MED1: variants seen among roughly 807,000 people sequenced by gnomAD.
MED1 encodes the protein mediator complex subunit 1, also known as mediator of RNA polymerase II transcription subunit 1.
In MED1, 17 loss-of-function variants were observed where a neutral mutation model predicts 121.3. That is an observed-to-expected ratio of 0.14 (90% CI 0.10 to 0.21). The LOEUF (loss-of-function observed/expected upper bound fraction) is 0.21. MED1 is among the 10% of genes least tolerant of loss of function. The probability of loss-of-function intolerance (pLI) is 1.00; values close to 1 mark genes in which losing one functional copy is unlikely to be tolerated. For synonymous variants in MED1, 661 were observed against 694.4 expected (o/e 0.95, Z 0.76); for missense variants, 1,558 against 1,919.4 (o/e 0.81, Z 3.52).
In MED1 at chr17:39,414,432, A is replaced by G. The variant is rs181231235; in HGVS notation, c.1499+594T>C. 2.3e-3 allele frequency among the ~76,000 whole-genome samples: 335 copies of G among 146,598 alleles called. 2 individuals carry two copies. The highest frequency in any genetic ancestry group is 4.5e-4 in the Non-Finnish European group (30 of 66,752). ...CTCACTGCAAGCTCCACCTCCCGGG[A>G]TCATGCCATTCTCCTGCCTCAGCCT... On this transcript the variant is annotated intron_variant, in intron 16 of 16. Coordinates refer to ENST00000300651, the MANE Select transcript of MED1 (RefSeq NM_004774.4).
chr17:39,421,120 T>C (rs2048459905), intron 13 of MED1, among the ~76,000 whole-genome samples: 1 of 151,358 alleles, frequency 6.6e-6, no homozygotes, highest in Non-Finnish European at 1.5e-5. Context: ...TTTGTATTTT[T>C]TTTTTGTAGA....
chr17:39,422,183 G>C (rs1344942279), intron 13 of MED1, among the ~76,000 whole-genome samples: 1 of 146,292 alleles, frequency 6.8e-6, no homozygotes, highest in East Asian at 2.0e-4. Context: ...TTATTTTTTT[G>C]AGACGGAGTC....
In MED1 at chr17:39,447,873, G is replaced by A. The variant is rs761646637; in HGVS notation, c.57C>T (p.Leu19=). ...ESEKLSKMSS[L]LERLHAKFNQ... ...TAAATTTTGCATGGAGCCGTTCCAG[G>A]AGAGAACTCATCTTACTCAGCTTTT... Residue 19 remains leucine (L), a synonymous_variant, in exon 2 of 17, where the codon CTC becomes CTT. Transcript: ENST00000300651. The A allele has an allele frequency of 2.0e-5, 32 of 1,613,066 alleles. No individual in the cohort carries two copies. The South Asian group carries it at 3.4e-4, about 17-fold the overall frequency.
At chr17:39,431,277 TTG>T (rs1352506983) in intron 8 of MED1, 89 bp from the exon 9 acceptor site, 4 of 1,051,534 alleles carry the variant, frequency 3.8e-6, no homozygotes, top group Non-Finnish European at 5.5e-6. Context: ...CTCCGAAGTC[TTG>T]TCTTTTTTTT....
intron 14 of MED1, 77 bp from the exon 15 acceptor site, chr17:39,415,416 G>C: frequency 7.8e-7 from 1 of 1,286,778 alleles, no homozygotes; most frequent in Non-Finnish European, 1.1e-6. Context: ...GCTCACGCCT[G>C]TAATCCCAGC....
intron 12 of MED1, 61 bp downstream of exon 12, chr17:39,423,636 G>T: frequency 6.2e-7 from 1 of 1,607,124 alleles, no homozygotes; most frequent in South Asian, 1.1e-5. Flanking sequence ...ATGATAACCT[G>T]ACTTTGAAGT....
intron 1 of MED1, among the ~76,000 whole-genome samples, chr17:39,450,576 G>A (rs1332924629): frequency 6.6e-6 from 1 of 152,166 alleles, no homozygotes; most frequent in African/African-American, 2.4e-5. Context: ...ATAAAAGAAC[G>A]AAATTCAGCG....
rs1183963912 is a variant in MED1, at chr17:39,408,607, A to T, written c.3614T>A (p.Leu1205His). The change falls in exon 17 of 17, where the codon CTT becomes CAT. Residue 1205 changes from leucine (L) to histidine (H), a missense_variant. Leu to His is a moderately conservative substitution (Grantham distance 99). Around this residue, in one of 5 missense-constraint regions of MED1, gnomAD observed 793 missense variants for 898.2 expected, o/e 0.88. Coordinates refer to ENST00000300651, the MANE Select transcript of MED1 (RefSeq NM_004774.4). The surrounding 1 kb of genome is among the most constrained non-coding windows in gnomAD (Gnocchi z 4.7). Reference sequence around the variant, plus strand: ...AGGAACAGGCTTCATTGGAGAGGCAAGCTTGTCAGAGCCTCCAGGTGGCCT... The same window carrying T: ...AGGAACAGGCTTCATTGGAGAGGCATGCTTGTCAGAGCCTCCAGGTGGCCT... Reference protein sequence around the residue: ...HSRPPGGSDKLASPMKPVPGT... With the variant: ...HSRPPGGSDKHASPMKPVPGT... The T allele has an allele frequency of 6.2e-7, 1 of 1,614,180 alleles. No individual in the cohort carries two copies. The highest frequency in any genetic ancestry group is 1.7e-5 in the Admixed American group (1 of 60,024).
chr17:39,407,524 A>G lies in MED1; in HGVS notation c.4697T>C (p.Ile1566Thr), dbSNP rs372485844. 3.8e-5 allele frequency: 61 copies of G among 1,613,086 alleles called. No individual in the cohort carries two copies. The highest frequency in any genetic ancestry group is 2.7e-4 in the East Asian group (12 of 44,842). The part of the protein sequence containing the change: ...RPSRLSPDFM[I>T]GEEDDDLMDV... ...CATAAGATCATCATCTTCCTCCCCA[A>G]TCATAAAGTCTGGGCTGAGCCTTGA... The change falls in exon 17 of 17, where the codon ATT (isoleucine) becomes ACT (threonine). Residue 1566 changes from isoleucine (I) to threonine (T), a missense_variant. Around this residue, in one of 5 missense-constraint regions of MED1, gnomAD observed 264 missense variants for 326.1 expected, o/e 0.81. Transcript: ENST00000300651.
intron 10 of MED1, among the ~76,000 whole-genome samples, chr17:39,426,777 G>A (rs1431910634): frequency 1.3e-5 from 2 of 151,932 alleles, no homozygotes; most frequent in Admixed American, 6.6e-5. Context: ...CAGGTGATTC[G>A]CCCACCTCAG....
In MED1 at chr17:39,405,585, C is replaced by T; in HGVS notation, c.*1890G>A. On this transcript the variant is annotated 3_prime_UTR_variant, in exon 17 of 17. Coordinates refer to ENST00000300651, the MANE Select transcript of MED1 (RefSeq NM_004774.4). ...TGTATCAACATCACAAGATAAAGCA[C>T]TCTGGTATCACCTGCCCATATCCTC... 8.0e-7 allele frequency: 1 copy of T among 1,251,144 alleles called. No homozygotes were observed. The highest frequency in any genetic ancestry group is 1.0e-6 in the Non-Finnish European group (1 of 992,032). 77.5% of individuals were successfully genotyped at this position (1,251,144 alleles called of 1,614,324 possible).
chr17:39,444,321 A>G (rs1006675132), intron 2 of MED1, among the ~76,000 whole-genome samples: 1 of 151,772 alleles, frequency 6.6e-6, no homozygotes, highest in African/African-American at 2.4e-5. Context: ...ATCCTGGCCA[A>G]AATGGTGAAA....
At chr17:39,423,186 T>C (rs2144738066) in intron 13 of MED1, 141 bp downstream of exon 13, 2 of 710,900 alleles carry the variant, frequency 2.8e-6, no homozygotes, top group Middle Eastern at 2.6e-4. Context: ...TTTCTGTAAT[T>C]TCCTGCCTTA....
chr17:39,434,407 C>A (rs1471836209), intron 6 of MED1, 87 bp from the exon 7 acceptor site: 5 of 667,998 alleles, frequency 7.5e-6, no homozygotes, highest in Non-Finnish European at 2.5e-6. Context: ...CCAAAAATCA[C>A]AGCTATATAA....
At position 39,409,467 on chromosome 17, in the gene MED1, G is replaced by A. The variant is rs763020059; in HGVS notation, c.2754C>T (p.Thr918=). The part of the protein sequence containing the change: ...VPMLGGDNGE[T]KFKGNNQADT... ...CGGCTTGGTTATTGCCCTTAAACTTGGTCTCCCCATTATCACCTCCAAGCA... is the reference window on the plus strand; with the variant it reads ...CGGCTTGGTTATTGCCCTTAAACTTAGTCTCCCCATTATCACCTCCAAGCA... The change falls in exon 17 of 17, where the codon ACC becomes ACT. Residue 918 remains threonine (T), a synonymous_variant. Transcript: ENST00000300651. 1 of 1,613,980 alleles carries A rather than the reference G, an allele frequency of 6.2e-7. No homozygotes were observed. The highest frequency in any genetic ancestry group is 8.5e-7 in the Non-Finnish European group (1 of 1,180,008).
chr17:39,405,204 G>A lies in MED1; in HGVS notation c.*2271C>T, dbSNP rs765220803. On this transcript the variant is annotated 3_prime_UTR_variant, in exon 17 of 17. Transcript: ENST00000300651. Reference sequence around the variant, plus strand: ...AGGCAGGGTGAAGCAGTTTAGCCCCGGCTCCCTGTTAAGCAAGTTCAGATG... The same window carrying A: ...AGGCAGGGTGAAGCAGTTTAGCCCCAGCTCCCTGTTAAGCAAGTTCAGATG... 73 of 1,557,516 alleles carry A rather than the reference G, an allele frequency of 4.7e-5. No individual in the cohort carries two copies. The highest frequency in any genetic ancestry group is 5.3e-5 in the Non-Finnish European group (61 of 1,150,022).
Position 39,408,410 on chromosome 17 carries a change from A to T in MED1, c.3811T>A (p.Ser1271Thr). The change falls in exon 17 of 17, where the codon TCC (serine) becomes ACC (threonine). Residue 1271 changes from serine (S) to threonine (T), a missense_variant. Around this residue, in one of 5 missense-constraint regions of MED1, gnomAD observed 793 missense variants for 898.2 expected, o/e 0.88. Coordinates refer to ENST00000300651, the MANE Select transcript of MED1 (RefSeq NM_004774.4). This position sits in a 1 kb window ranked among gnomAD's most constrained non-coding sequence, Gnocchi z 4.7. ...PSSNSCTASS[S>T]SFSSSGSSMS... Reference sequence around the variant, plus strand: ...GAAGAGCCACTTGAGGAAAAGGAGGAGGAAGATGCCGTACAGGAATTAGAT... The same window carrying T: ...GAAGAGCCACTTGAGGAAAAGGAGGTGGAAGATGCCGTACAGGAATTAGAT... The T allele has an allele frequency of 6.2e-7, 1 of 1,614,180 alleles. No homozygotes were observed. The highest frequency in any genetic ancestry group is 8.5e-7 in the Non-Finnish European group (1 of 1,180,042).
Position 39,406,342 on chromosome 17 carries a change from T to G in MED1, c.*1133A>C, listed in dbSNP as rs1242097639. On this transcript the variant is annotated 3_prime_UTR_variant, in exon 17 of 17. Coordinates refer to ENST00000300651, the MANE Select transcript of MED1 (RefSeq NM_004774.4). The stretch of plus-strand genomic sequence containing the variant: ...GTGGAGTGATTAAAGTTTGGACTCC[T>G]TCTCCTTGTGATGAAGAGAAACAGT... 3.0e-6 allele frequency: 3 copies of G among 985,426 alleles called. No homozygotes were observed. Among genetic ancestry groups the G allele is most frequent in the Non-Finnish European group, 3.6e-6 (3 of 829,922 alleles). 61.0% of individuals were successfully genotyped at this position (985,426 alleles called of 1,614,324 possible).
In MED1 at chr17:39,440,651, G is replaced by T; in HGVS notation, c.238C>A (p.Arg80Ser). The T allele has an allele frequency of 1.9e-6, 3 of 1,613,314 alleles. No individual in the cohort carries two copies. The highest frequency in any genetic ancestry group is 2.2e-5 in the South Asian group (2 of 90,932). ...TTCTGTCTTGCTATGGACTCCAAAC[G>T]ATCAGTCATTGCTGGTAAAGATGTT... ...KVTSLPAMTD[R>S]LESIARQNGL... is the part of the protein sequence containing the mutation. The change falls in exon 4 of 17, where the codon CGT becomes AGT. Residue 80 changes from arginine (R) to serine (S), a missense_variant. Arg to Ser is a moderately radical substitution (Grantham distance 110, BLOSUM62 -1). Coordinates refer to ENST00000300651, the MANE Select transcript of MED1 (RefSeq NM_004774.4). The surrounding 1 kb of genome is among the most constrained non-coding windows in gnomAD (Gnocchi z 4.1).
Sources: gnomAD v4.1 joint callset for allele counts (sites outside exome capture counted in the v4.1 genomes callset) on GRCh38, gnomAD v4.1.1 for gene constraint, gnomAD v4.1.1 regional missense constraint, Gnocchi (gnomAD v3.1) non-coding constraint, MANE v1.5 for transcripts, NCBI Gene and HGNC (gene_info 2026-07-23, HGNC 2026-07-21) for gene names.